OR9G1: variants seen among roughly 807,000 people sequenced by gnomAD.
OR9G1 encodes the protein olfactory receptor 9G1.
Under a neutral mutation model 14.5 loss-of-function variants are expected in OR9G1, and 21 were observed. The observed-to-expected ratio is 1.45, with a 90% CI of 1.03 to 2.09. The LOEUF is 2.09. OR9G1 is among the 30% of genes most tolerant of loss of function. The pLI, the probability that OR9G1 is intolerant of heterozygous loss-of-function variation, is 0.00. For missense variants in OR9G1, 476 were observed against 364.2 expected, an observed-to-expected ratio of 1.31 and a Z score of -2.50; for synonymous variants, 179 against 153.3, an observed-to-expected ratio of 1.17 and a Z score of -1.24.
rs1176825395 is a variant in OR9G1, at chr11:56,702,683, A to G, written c.*1378A>G. On this transcript the variant is annotated 3_prime_UTR_variant, in exon 2 of 2. Transcript: ENST00000642097. ...AGAAGAAAACATATTGAATCATCCC[A>G]CTTATGAGTGGGTTCTAAAAGTTAG... 1 of 152,216 alleles carries G rather than the reference A, an allele frequency of 6.6e-6. No individual in the cohort carries two copies. Among genetic ancestry groups the G allele is most frequent in the Non-Finnish European group, 1.5e-5 (1 of 68,036 alleles). The allele number at this position is 152,216 out of a possible 1,614,324, so 9.4% of individuals were successfully genotyped here. A position where few individuals can be genotyped will look rare whatever the true frequency, so the allele number is the denominator to read the frequency against.
At position 56,703,580 on chromosome 11, in the gene OR9G1, C is replaced by A. The variant is rs79979407; in HGVS notation, c.*2275C>A. On this transcript the variant is annotated 3_prime_UTR_variant, in exon 2 of 2. Transcript: ENST00000642097. ...AATCAATTATTTTATGTTTCTTGAC[C>A]GAAACTAGAAAGTACATCATTCCAG... 1.3e-5 allele frequency: 2 copies of A among 152,300 alleles called. No homozygotes were observed. The highest frequency in any genetic ancestry group is 2.9e-5 in the Non-Finnish European group (2 of 68,052). 9.4% of individuals were successfully genotyped at this position (152,300 alleles called of 1,614,324 possible). A position where few individuals can be genotyped will look rare whatever the true frequency, so the allele number is the denominator to read the frequency against.
In OR9G1 at chr11:56,701,233, C is replaced by T. The variant is rs748408871; in HGVS notation, c.846C>T (p.Pro282=). ...CTACATTTTACACTGTGGTATTCCC[C>T]ATGTTGAATCTCATGATCTACAGCC... ...IVSTFYTVVF[P]MLNLMIYSLR... is the part of the protein sequence containing the mutation. Residue 282 remains proline, a synonymous_variant, in exon 2 of 2, where the codon CCC becomes CCT. Coordinates refer to ENST00000642097, the MANE Select transcript of OR9G1 (RefSeq NM_001005213.2). 5 of 1,614,146 alleles carry T rather than the reference C, an allele frequency of 3.1e-6. No homozygotes were observed. In the East Asian group the frequency reaches 8.9e-5, roughly 29 times the overall value.
rs759090041 is a variant in OR9G1, at chr11:56,701,203, A to C, written c.816A>C (p.Ile272=). The part of the protein sequence containing the change: ...RSSYSFDMDK[I]VSTFYTVVFP... ...GCTATTCTTTTGATATGGACAAAAT[A>C]GTTTCTACATTTTACACTGTGGTAT... The change falls in exon 2 of 2, where the codon ATA becomes ATC. Residue 272 remains isoleucine (I), a synonymous_variant. Coordinates refer to ENST00000642097, the MANE Select transcript of OR9G1 (RefSeq NM_001005213.2). 1 of 1,614,302 alleles carries C rather than the reference A, an allele frequency of 6.2e-7. No homozygotes were observed. The highest frequency in any genetic ancestry group is 1.1e-5 in the South Asian group (1 of 91,090).
At chr11:56,700,314 T>A in intron 1 of OR9G1, 56 bp from the exon 2 acceptor site, 3 of 1,575,212 alleles carry the variant, frequency 1.9e-6, no homozygotes, top group South Asian at 2.4e-5. Context: ...TTATGTAACA[T>A]AATTCTACAT....
Position 56,700,603 on chromosome 11 carries a change from T to C in OR9G1, c.216T>C (p.Tyr72=), listed in dbSNP as rs138421709. ...ATCTGTCGTTTCTGGATCTCTGGTATTCTTCTGTCTACACCCCAAAGATCC... is the reference window on the plus strand; with the variant it reads ...ATCTGTCGTTTCTGGATCTCTGGTACTCTTCTGTCTACACCCCAAAGATCC... ...TGNLSFLDLW[Y]SSVYTPKILV... Residue 72 remains tyrosine (Y), a synonymous_variant, in exon 2 of 2, where the codon TAT becomes TAC. Coordinates refer to ENST00000642097, the MANE Select transcript of OR9G1 (RefSeq NM_001005213.2). 53 of 1,614,190 alleles carry C rather than the reference T, an allele frequency of 3.3e-5. No homozygotes were observed. The highest frequency in any genetic ancestry group is 4.1e-5 in the Non-Finnish European group (48 of 1,180,062).
At position 56,701,437 on chromosome 11, in the gene OR9G1, C is replaced by T; in HGVS notation, c.*132C>T. 2.4e-6 allele frequency: 3 copies of T among 1,254,534 alleles called. No homozygotes were observed. Among genetic ancestry groups the T allele is most frequent in the Middle Eastern group, 2.0e-4 (1 of 5,074 alleles). 77.7% of individuals were successfully genotyped at this position (1,254,534 alleles called of 1,614,324 possible). A position where few individuals can be genotyped will look rare whatever the true frequency, so the allele number is the denominator to read the frequency against. ...GACACGTGAGAGTTACAGACATGTA[C>T]AATAAGAAAATTAGGAAAATTTCGG... On this transcript the variant is annotated 3_prime_UTR_variant, in exon 2 of 2. Transcript: ENST00000642097.
chr11:56,700,289 A>T (rs1282711732), intron 1 of OR9G1, 81 bp from the exon 2 acceptor site: 3 of 1,521,500 alleles, frequency 2.0e-6, no homozygotes, highest in Non-Finnish European at 2.6e-6. Flanking sequence ...TTCACGAAAC[A>T]CTGCAAATGT....
At chr11:56,700,106 A>G (rs1255419115) in intron 1 of OR9G1, among the ~76,000 whole-genome samples, 1 of 152,312 alleles carries the variant, frequency 6.6e-6, no homozygotes, top group Non-Finnish European at 1.5e-5. Flanking sequence ...GGATCAAAGT[A>G]TAAGAAAAAT....
chr11:56,700,276 G>T, intron 1 of OR9G1, 94 bp from the exon 2 acceptor site: 1 of 1,492,184 alleles, frequency 6.7e-7, no homozygotes, highest in East Asian at 2.3e-5. Flanking sequence ...GTTGGTTCTA[G>T]ACTTCACGAA....
Position 56,701,571 on chromosome 11 carries a change from G to A in OR9G1, c.*266G>A, listed in dbSNP as rs72919679. ...CCTCTCCTATACCTTCATAAAGTGAGGAACAGCCTACCTCATTAGCCTAAG... is the reference window on the plus strand; with the variant it reads ...CCTCTCCTATACCTTCATAAAGTGAAGAACAGCCTACCTCATTAGCCTAAG... On this transcript the variant is annotated 3_prime_UTR_variant, in exon 2 of 2. Coordinates refer to ENST00000642097, the MANE Select transcript of OR9G1 (RefSeq NM_001005213.2). The A allele has an allele frequency of 3.6e-6, 1 of 279,232 alleles. No individual in the cohort carries two copies. Among genetic ancestry groups the A allele is most frequent in the Non-Finnish European group, 6.0e-6 (1 of 167,394 alleles). 17.3% of individuals were successfully genotyped at this position (279,232 alleles called of 1,614,324 possible).
chr11:56,701,439 A>G lies in OR9G1; in HGVS notation c.*134A>G, dbSNP rs1181727650. 3.2e-6 allele frequency: 4 copies of G among 1,254,400 alleles called. No homozygotes were observed. The highest frequency in any genetic ancestry group is 3.2e-6 in the Non-Finnish European group (3 of 950,094). 77.7% of individuals were successfully genotyped at this position (1,254,400 alleles called of 1,614,324 possible). On this transcript the variant is annotated 3_prime_UTR_variant, in exon 2 of 2. Coordinates refer to ENST00000642097, the MANE Select transcript of OR9G1 (RefSeq NM_001005213.2). Reference sequence around the variant, plus strand: ...CACGTGAGAGTTACAGACATGTACAATAAGAAAATTAGGAAAATTTCGGAC... The same window carrying G: ...CACGTGAGAGTTACAGACATGTACAGTAAGAAAATTAGGAAAATTTCGGAC...
In OR9G1 at chr11:56,700,877, T is replaced by C. The variant is rs1383178716; in HGVS notation, c.490T>C (p.Ser164Pro). ...TTCAATCATCACCAAGAAAACGTTTTCCTTTAACTTCTGCCGTGAAAACAT... is the reference window on the plus strand; with the variant it reads ...TTCAATCATCACCAAGAAAACGTTTCCCTTTAACTTCTGCCGTGAAAACAT... ...NSSIITKKTFSFNFCRENIID... is the reference protein window; with the variant it reads ...NSSIITKKTFPFNFCRENIID... The change falls in exon 2 of 2, where the codon TCC becomes CCC. Residue 164 changes from serine (S) to proline (P), a missense_variant. Physicochemically the swap from Ser to Pro is moderately conservative, Grantham distance 74. This residue lies in a region of OR9G1 where 352 missense variants were observed against 211.6 expected (regional missense o/e 1.66). Transcript: ENST00000642097. 3.1e-6 allele frequency: 5 copies of C among 1,614,138 alleles called. No individual in the cohort carries two copies. Among genetic ancestry groups the C allele is most frequent in the African/African-American group, 2.7e-5 (2 of 74,964 alleles).
rs1368983943 is a variant in OR9G1, at chr11:56,699,201, C to T, written c.-19+11C>T. The T allele has an allele frequency of 2.6e-5, 4 of 152,804 alleles. No homozygotes were observed. Among genetic ancestry groups the T allele is most frequent in the South Asian group, 2.1e-4 (1 of 4,844 alleles). The allele number at this position is 152,804 out of a possible 1,614,324, so 9.5% of individuals were successfully genotyped here. A position where few individuals can be genotyped will look rare whatever the true frequency, so the allele number is the denominator to read the frequency against. ...AAGCAAACCAGACAGGTATGACAAC[C>T]TGAAAACCAAGTAAAGATTTTCCAG... On this transcript the variant is annotated intron_variant, in intron 1 of 1. Transcript: ENST00000642097.
Position 56,700,224 on chromosome 11 carries a change from ATTG to A in OR9G1, c.-18-142_-18-140del, listed in dbSNP as rs1857587266. 9 of 1,318 alleles carry A rather than the reference ATTG, an allele frequency of 6.8e-3. No homozygotes were observed. The East Asian group carries it at 0.29, about 42-fold the overall frequency. 0.1% of individuals were successfully genotyped at this position (1,318 alleles called of 1,614,324 possible). On this transcript the variant is annotated intron_variant, in intron 1 of 1. Transcript: ENST00000642097. The stretch of plus-strand genomic sequence containing the variant: ...ATTGAATACATAATTGCAAAGCCTG[ATTG>A]TTGCAAAATGAAGACTTTCTAAAAC...
In OR9G1 at chr11:56,701,175, C is replaced by T. The variant is rs1292618462; in HGVS notation, c.788C>T (p.Ser263Phe). The T allele has an allele frequency of 3.1e-6, 5 of 1,614,288 alleles. No individual in the cohort carries two copies. Among genetic ancestry groups the T allele is most frequent in the Non-Finnish European group, 3.4e-6 (4 of 1,180,032 alleles). Residue 263 changes from serine (S) to phenylalanine (F), a missense_variant, in exon 2 of 2, where the codon TCT becomes TTT. Ser to Phe is a radical substitution (Grantham distance 155). Transcript: ENST00000642097. ...CTCTACATCTACGCTCTCCCCAGATCTAGCTATTCTTTTGATATGGACAAA... is the reference window on the plus strand; with the variant it reads ...CTCTACATCTACGCTCTCCCCAGATTTAGCTATTCTTTTGATATGGACAAA... ...SILYIYALPR[S>F]SYSFDMDKIV...
Position 56,700,933 on chromosome 11 carries a change from C to T in OR9G1, c.546C>T (p.Pro182=), listed in dbSNP as rs766574995. 30 of 1,614,142 alleles carry T rather than the reference C, an allele frequency of 1.9e-5. No homozygotes were observed. Among genetic ancestry groups the T allele is most frequent in the Middle Eastern group, 1.6e-4 (1 of 6,082 alleles). The change falls in exon 2 of 2, where the codon CCC becomes CCT. Residue 182 remains proline, a synonymous_variant. Coordinates refer to ENST00000642097, the MANE Select transcript of OR9G1 (RefSeq NM_001005213.2). ...IIDDFFCDLL[P]LVELACGEKG... ...ATGACTTTTTCTGTGATTTGCTTCC[C>T]TTGGTGGAGCTGGCCTGTGGCGAGA...
intron 1 of OR9G1, 40 bp from the exon 2 acceptor site, chr11:56,700,330 T>C: frequency 1.9e-6 from 3 of 1,596,164 alleles, no homozygotes; most frequent in Non-Finnish European, 2.6e-6. Flanking sequence ...TACATATTCA[T>C]GACAGTAATG....
rs1857652257 is a variant in OR9G1 at position 56,702,166 on chromosome 11, A to C, written c.*861A>C. On this transcript the variant is annotated 3_prime_UTR_variant, in exon 2 of 2. Coordinates refer to ENST00000642097, the MANE Select transcript of OR9G1 (RefSeq NM_001005213.2). The stretch of plus-strand genomic sequence containing the variant: ...TGTACAGGTGTGATTCAACAAAAGG[A>C]TATTTCACTTAGCATAATGTCTTCT... 1 of 151,628 alleles carries C rather than the reference A, an allele frequency of 6.6e-6. No individual in the cohort carries two copies. Among genetic ancestry groups the C allele is most frequent in the Non-Finnish European group, 1.5e-5 (1 of 67,850 alleles). The allele number at this position is 151,628 out of a possible 1,614,324, so 9.4% of individuals were successfully genotyped here.
At chr11:56,700,335 G>A in intron 1 of OR9G1, 35 bp from the exon 2 acceptor site, 1 of 1,601,908 alleles carries the variant, frequency 6.2e-7, no homozygotes, top group Non-Finnish European at 8.5e-7. Flanking sequence ...ATTCATGACA[G>A]TAATGCAAAC....
Sources: allele counts gnomAD v4.1 joint callset (sites outside exome capture counted in the v4.1 genomes callset), GRCh38; gene constraint gnomAD v4.1.1; regional missense constraint gnomAD v4.1.1; transcripts MANE v1.5; gene names NCBI Gene and HGNC (gene_info 2026-07-23, HGNC 2026-07-21).